PTPRN2: variants seen among roughly 807,000 people sequenced by gnomAD.
The protein encoded by PTPRN2 is receptor-type tyrosine-protein phosphatase N2.
Under a neutral mutation model 118.8 loss-of-function variants are expected in PTPRN2, and 74 were observed. That is an observed-to-expected ratio of 0.62 (90% CI 0.52 to 0.76). PTPRN2 has a LOEUF of 0.76. Among genes scored for constraint, PTPRN2 ranks in the 30% least tolerant of loss-of-function variants. The pLI is 0.00. For synonymous variants in PTPRN2, 641 were observed against 608.0 expected (o/e 1.05, Z -0.80); for missense variants, 1,481 against 1,394.4 (o/e 1.06, Z -0.99).
At chr7:157,952,202 T>G (rs1182654156) in intron 11 of PTPRN2, among the ~76,000 whole-genome samples, 1 of 152,102 alleles carries the variant, frequency 6.6e-6, no homozygotes, top group African/African-American at 2.4e-5. Context: ...CCCCACAGAA[T>G]GTGCAGCTAG....
At chr7:158,332,802 A>G (rs1464750125) in intron 2 of PTPRN2, among the ~76,000 whole-genome samples, 1 of 150,132 alleles carries the variant, frequency 6.7e-6, no homozygotes, top group Non-Finnish European at 1.5e-5. Context: ...ATGCCTGCAG[A>G]CGTCACTCAC....
At chr7:158,462,720 G>A (rs553103742) in intron 2 of PTPRN2, among the ~76,000 whole-genome samples, 1 of 152,238 alleles carries the variant, frequency 6.6e-6, no homozygotes, top group African/African-American at 2.4e-5. Flanking sequence ...CTGATGACAG[G>A]TTCATTTTCA....
In PTPRN2 at chr7:157,868,145, C is replaced by T. The variant is rs1358176343; in HGVS notation, c.1788+30528G>A. On this transcript the variant is annotated intron_variant, in intron 12 of 22. Transcript: ENST00000389418. This position sits in a 1 kb window ranked among gnomAD's most constrained non-coding sequence, Gnocchi z 5.2. ...ACGAGTGGGGTGTGGGCTGTGGGTC[C>T]AGACACAGTTATCCTAAGGCCAGGC... Among the ~76,000 whole-genome samples the T allele has an allele frequency of 6.6e-6, 1 of 152,192 alleles. No individual in the cohort carries two copies. Among genetic ancestry groups the T allele is most frequent in the African/African-American group, 2.4e-5 (1 of 41,444 alleles).
intron 1 of PTPRN2, among the ~76,000 whole-genome samples, chr7:158,553,742 C>T (rs1239901641): frequency 6.6e-6 from 1 of 151,614 alleles, no homozygotes; most frequent in East Asian, 1.9e-4. Flanking sequence ...GAGTCTATAA[C>T]ACCCTTCCTG....
chr7:157,652,024 C>A (rs1203961997), intron 14 of PTPRN2, among the ~76,000 whole-genome samples: 4 of 152,238 alleles, frequency 2.6e-5, no homozygotes, highest in Non-Finnish European at 5.9e-5. Context: ...TTTCCAGGAA[C>A]AAGTGACATT....
At chr7:158,059,216 G>C (rs1388497845) in intron 11 of PTPRN2, among the ~76,000 whole-genome samples, 38 of 81,676 alleles carry the variant, frequency 4.7e-4, no homozygotes, top group South Asian at 9.1e-4. Flanking sequence ...CCCACAGTGA[G>C]ACATCACTGC....
intron 1 of PTPRN2, among the ~76,000 whole-genome samples, chr7:158,502,199 G>A (rs1822411263): frequency 6.6e-6 from 1 of 152,152 alleles, no homozygotes; most frequent in South Asian, 2.1e-4. Context: ...ATATGTTTCT[G>A]TATTAATAAA....
chr7:158,174,698 T>C (rs1285827373), intron 5 of PTPRN2, among the ~76,000 whole-genome samples: 1 of 152,144 alleles, frequency 6.6e-6, no homozygotes, highest in Non-Finnish European at 1.5e-5. Flanking sequence ...TTAACAACCG[T>C]AATTGAAAGA....
intron 12 of PTPRN2, among the ~76,000 whole-genome samples, chr7:157,858,150 TCACCACCCACACTCCTGCAGGGAGAGC>T: frequency 8.8e-5 from 1 of 11,374 alleles, no homozygotes; most frequent in Non-Finnish European, 1.8e-4. Context: ...GAGAGCCCCG[TCACCACCCACACTCCTGCAGGGAGAGC>T]CTCCCAGCCA....
chr7:158,333,346 C>T (rs1265182737), intron 2 of PTPRN2, among the ~76,000 whole-genome samples: 1 of 142,998 alleles, frequency 7.0e-6, no homozygotes, highest in Non-Finnish European at 1.5e-5. Flanking sequence ...TAAGAGGTGA[C>T]ACCTGCAGAC....
Position 158,328,575 on chromosome 7 carries a change from C to T in PTPRN2, c.164-11643G>A, listed in dbSNP as rs577321562. ...CACGTCCGGGCAGCACCTGCACCCACAGCGGGAGCCTCACTGTCCGGAGAG... is the reference window on the plus strand; with the variant it reads ...CACGTCCGGGCAGCACCTGCACCCATAGCGGGAGCCTCACTGTCCGGAGAG... On this transcript the variant is annotated intron_variant, in intron 2 of 22. Transcript: ENST00000389418. 3.9e-5 allele frequency among the ~76,000 whole-genome samples: 6 copies of T among 152,312 alleles called. No homozygotes were observed. In the East Asian group the frequency reaches 9.7e-4, roughly 25 times the overall value.
chr7:158,162,025 GACA>G (rs1475092186), intron 6 of PTPRN2, among the ~76,000 whole-genome samples: 5 of 152,138 alleles, frequency 3.3e-5, no homozygotes, highest in African/African-American at 9.7e-5. Context: ...GAATGAAAAT[GACA>G]ACGAGACACC....
At chr7:158,532,131 G>A (rs1825288854) in intron 1 of PTPRN2, among the ~76,000 whole-genome samples, 1 of 152,226 alleles carries the variant, frequency 6.6e-6, no homozygotes, top group South Asian at 2.1e-4. Flanking sequence ...TGCATTAACA[G>A]AGGCTCCCTA....
At chr7:158,007,391 A>G (rs1805704108) in intron 11 of PTPRN2, among the ~76,000 whole-genome samples, 1 of 151,880 alleles carries the variant, frequency 6.6e-6, no homozygotes, top group Non-Finnish European at 1.5e-5. Flanking sequence ...CTTCTCGTAA[A>G]CCTCACCTGA....
intron 3 of PTPRN2, among the ~76,000 whole-genome samples, chr7:158,297,374 G>A (rs1487632020): frequency 6.6e-6 from 1 of 152,194 alleles, no homozygotes; most frequent in African/African-American, 2.4e-5. Context: ...CTTTGGGAAG[G>A]GAAGACGCCC....
intron 6 of PTPRN2, among the ~76,000 whole-genome samples, chr7:158,161,220 A>T (rs1822328929): frequency 6.6e-6 from 1 of 152,218 alleles, no homozygotes; most frequent in Non-Finnish European, 1.5e-5. Context: ...AAGCAAGTTT[A>T]TTCTAAAGTT....
rs1169426218 is a variant in PTPRN2 at position 157,964,134 on chromosome 7, C to A, written c.1724-65397G>T. Among the ~76,000 whole-genome samples, 1 of 152,146 alleles carries A rather than the reference C, an allele frequency of 6.6e-6. No homozygotes were observed. Among genetic ancestry groups the A allele is most frequent in the African/African-American group, 2.4e-5 (1 of 41,428 alleles). On this transcript the variant is annotated intron_variant, in intron 11 of 22. Coordinates refer to ENST00000389418, the MANE Select transcript of PTPRN2 (RefSeq NM_002847.5). This position sits in a 1 kb window ranked among gnomAD's most constrained non-coding sequence, Gnocchi z 9.0. ...CGCAGTGACCTCCCTCTGTGTGGGA[C>A]CCCCGTTCCCACTGGCACACCATGG...
rs780420580 is a variant in PTPRN2, at chr7:157,779,443, C to A, written c.1789-96506G>T. ...TGCCAGAATGACCGCCCACCCGCTGCCCCTCACCACACACTGCTGCACTGT... is the reference window on the plus strand; with the variant it reads ...TGCCAGAATGACCGCCCACCCGCTGACCCTCACCACACACTGCTGCACTGT... On this transcript the variant is annotated intron_variant, in intron 12 of 22. Coordinates refer to ENST00000389418, the MANE Select transcript of PTPRN2 (RefSeq NM_002847.5). The surrounding 1 kb of genome is among the most constrained non-coding windows in gnomAD (Gnocchi z 4.7). Among the ~76,000 whole-genome samples, 11 of 152,342 alleles carry A rather than the reference C, an allele frequency of 7.2e-5. No homozygotes were observed. The highest frequency in any genetic ancestry group is 1.2e-4 in the Non-Finnish European group (8 of 68,030).
intron 12 of PTPRN2, among the ~76,000 whole-genome samples, chr7:157,716,308 G>A (rs878873206): frequency 1.3e-3 from 157 of 125,442 alleles, no homozygotes; most frequent in African/African-American, 4.3e-3. Flanking sequence ...GCCTGGCCAC[G>A]TAGACTCTGC....
Sources: gnomAD v4.1 joint callset for allele counts (sites outside exome capture counted in the v4.1 genomes callset) on GRCh38, gnomAD v4.1.1 for gene constraint, Gnocchi (gnomAD v3.1) non-coding constraint, MANE v1.5 for transcripts, NCBI Gene and HGNC (gene_info 2026-07-23, HGNC 2026-07-21) for gene names.